PRKD1: variants seen among roughly 807,000 people sequenced by gnomAD.
The protein encoded by PRKD1 is serine/threonine-protein kinase D1.
In PRKD1, 63 loss-of-function variants were observed where a neutral mutation model predicts 95.9. The ratio of observed to expected loss-of-function variants is 0.66; its 90% CI spans 0.54 to 0.81. PRKD1 has a LOEUF of 0.81. Ranked by LOEUF, PRKD1 falls within the 30% of genes least tolerant of loss-of-function variation. The probability of loss-of-function intolerance (pLI) is 0.00; values close to 1 mark genes in which losing one functional copy is unlikely to be tolerated. For synonymous variants in PRKD1, 425 were observed against 423.1 expected (o/e 1.00, Z -0.05); for missense variants, 1,048 against 1,165.3 (o/e 0.90, Z 1.47).
intron 2 of PRKD1, among the ~76,000 whole-genome samples, chr14:29,720,746 C>T (rs1211075312): frequency 6.6e-6 from 1 of 151,004 alleles, no homozygotes. Flanking sequence ...AGCCACTGCA[C>T]TCCAGCCTGG....
chr14:29,815,318 A>C (rs569314560), intron 1 of PRKD1, among the ~76,000 whole-genome samples: 6 of 152,364 alleles, frequency 3.9e-5, no homozygotes, highest in Non-Finnish European at 7.3e-5. Context: ...TAACATGAAT[A>C]CTGCAGAGTC....
intron 2 of PRKD1, among the ~76,000 whole-genome samples, chr14:29,700,941 T>G (rs1818635928): frequency 7.7e-6 from 1 of 130,534 alleles, no homozygotes; most frequent in African/African-American, 3.1e-5. Context: ...CTCCCTCCCC[T>G]TCCTCCCAAG....
intron 2 of PRKD1, among the ~76,000 whole-genome samples, chr14:29,669,468 C>G (rs1374891240): frequency 6.6e-6 from 1 of 151,860 alleles, no homozygotes; most frequent in Admixed American, 6.6e-5. Context: ...TTTTCCTTTA[C>G]TGTCTAGAAT....
chr14:29,694,351 A>C (rs1594435098), intron 2 of PRKD1, among the ~76,000 whole-genome samples: 1 of 152,248 alleles, frequency 6.6e-6, no homozygotes, highest in African/African-American at 2.4e-5. Context: ...CAGCTGAAAA[A>C]GTTAACTTGC....
At chr14:29,762,325 C>T (rs12892645) in intron 1 of PRKD1, among the ~76,000 whole-genome samples, 26,386 of 151,936 alleles carry the variant, frequency 0.17, 2,450 homozygotes, top group South Asian at 0.22. Flanking sequence ...AACTCCACTC[C>T]CTTTGTCTTC....
chr14:29,721,051 C>T (rs1566560573), intron 2 of PRKD1, among the ~76,000 whole-genome samples: 2 of 152,180 alleles, frequency 1.3e-5, no homozygotes, highest in South Asian at 2.1e-4. Context: ...TCATCAACTA[C>T]ATCAAAATGG....
chr14:29,894,621 GTCTA>G lies in PRKD1; in HGVS notation c.264+32624_264+32627del, dbSNP rs377416857. On this transcript the variant is annotated intron_variant, in intron 1 of 17. Coordinates refer to ENST00000331968, the MANE Select transcript of PRKD1 (RefSeq NM_002742.3). ...CTTGTAGTATAGCAAAACTGACAAC[GTCTA>G]TCTAGGACCATGGGGTTAACAGTGG... 9.3e-4 allele frequency among the ~76,000 whole-genome samples: 142 copies of G among 152,302 alleles called. 3 individuals carry two copies. Among genetic ancestry groups the G allele is most frequent in the African/African-American group, 3.3e-3 (138 of 41,566 alleles).
intron 13 of PRKD1, among the ~76,000 whole-genome samples, chr14:29,616,603 G>A (rs8009861): frequency 0.22 from 34,044 of 151,670 alleles, 3,870 homozygotes; most frequent in South Asian, 0.26. Flanking sequence ...ACTACCAACC[G>A]ACTTAATTTT....
intron 13 of PRKD1, among the ~76,000 whole-genome samples, chr14:29,616,574 G>A (rs891538890): frequency 1.3e-5 from 2 of 150,836 alleles, no homozygotes; most frequent in East Asian, 3.9e-4. Context: ...CACCCAAGTA[G>A]CTGAGACTAC....
intron 1 of PRKD1, among the ~76,000 whole-genome samples, chr14:29,789,001 A>G (rs1256245673): frequency 6.6e-6 from 1 of 151,892 alleles, no homozygotes; most frequent in South Asian, 2.1e-4. Flanking sequence ...ATCCTCCCAC[A>G]TCAGCTTCCC....
intron 16 of PRKD1, among the ~76,000 whole-genome samples, chr14:29,590,375 C>T (rs978858503): frequency 6.6e-6 from 1 of 152,120 alleles, no homozygotes; most frequent in Non-Finnish European, 1.5e-5. Flanking sequence ...CTTAGATAAT[C>T]TATGTGACAT....
intron 1 of PRKD1, among the ~76,000 whole-genome samples, chr14:29,870,630 C>T (rs193290158): frequency 1.3e-5 from 2 of 152,238 alleles, no homozygotes; most frequent in East Asian, 1.9e-4. Flanking sequence ...TTGTAATAAC[C>T]CCTGAAGAAA....
intron 4 of PRKD1, chr14:29,650,401 C>T (rs1881418445): frequency 6.6e-6 from 1 of 152,370 alleles, no homozygotes; most frequent in South Asian, 2.1e-4. Context: ...ATGGGAGGGC[C>T]TATCCCCTTC....
At chr14:29,631,447 T>C (rs538261800) in intron 9 of PRKD1, among the ~76,000 whole-genome samples, 3 of 152,180 alleles carry the variant, frequency 2.0e-5, no homozygotes, top group African/African-American at 7.2e-5. Flanking sequence ...TGTAATAACA[T>C]AGCCAAGTGA....
chr14:29,699,434 C>A (rs1884712688), intron 2 of PRKD1, among the ~76,000 whole-genome samples: 1 of 152,110 alleles, frequency 6.6e-6, no homozygotes, highest in Admixed American at 6.6e-5. Context: ...TATTCATCTT[C>A]CATTTGTATT....
intron 1 of PRKD1, among the ~76,000 whole-genome samples, chr14:29,734,937 T>C (rs368163491): frequency 9.7e-4 from 147 of 152,318 alleles, no homozygotes; most frequent in African/African-American, 3.3e-3. Flanking sequence ...CTGGTCCTGC[T>C]GCTAGGCAGG....
At chr14:29,772,200 C>A (rs979933526) in intron 1 of PRKD1, among the ~76,000 whole-genome samples, 1 of 152,128 alleles carries the variant, frequency 6.6e-6, no homozygotes, top group Non-Finnish European at 1.5e-5. Context: ...TGAGAGGTGG[C>A]ATACTATGGT....
intron 4 of PRKD1, 125 bp downstream of exon 4, chr14:29,663,574 A>C (rs914826512): frequency 4.6e-6 from 5 of 1,097,484 alleles, no homozygotes; most frequent in Non-Finnish European, 5.3e-6. Flanking sequence ...GCCCTGAAGA[A>C]ACACTGTCAT....
intron 1 of PRKD1, among the ~76,000 whole-genome samples, chr14:29,829,026 T>C (rs1355593350): frequency 2.6e-5 from 4 of 152,202 alleles, no homozygotes; most frequent in Non-Finnish European, 5.9e-5. Context: ...CCAGATGCCA[T>C]GTTGTGAGAA....
Sources: gnomAD v4.1 joint callset for allele counts (sites outside exome capture counted in the v4.1 genomes callset) on GRCh38, gnomAD v4.1.1 for gene constraint, MANE v1.5 for transcripts, NCBI Gene and HGNC (gene_info 2026-07-23, HGNC 2026-07-21) for gene names.